XKR4: variants seen among roughly 807,000 people sequenced by gnomAD.
XKR4 encodes the protein XK-related protein 4.
In XKR4, 12 loss-of-function variants were observed where a neutral mutation model predicts 53.9. That is an observed-to-expected ratio of 0.22 (90% CI 0.14 to 0.36). The LOEUF is 0.36. XKR4 is among the 10% of genes least tolerant of loss of function. XKR4 has a pLI of 1.00. For missense variants in XKR4, 799 were observed against 859.5 expected (o/e 0.93, Z 0.88); for synonymous variants, 354 against 362.4 (o/e 0.98, Z 0.26).
At chr8:55,449,734 G>A in intron 2 of XKR4, 3 of 937,664 alleles carry the variant, frequency 3.2e-6, no homozygotes, top group South Asian at 1.3e-5. Context: ...CACGGTGGTC[G>A]TAGTAGCGTA....
intron 2 of XKR4, among the ~76,000 whole-genome samples, chr8:55,513,042 A>G (rs1252645764): frequency 6.6e-6 from 1 of 152,166 alleles, no homozygotes; most frequent in Non-Finnish European, 1.5e-5. Context: ...CTGCCAAAGC[A>G]TATCTTGTGC....
At chr8:55,171,864 A>G (rs1011907405) in intron 1 of XKR4, among the ~76,000 whole-genome samples, 6 of 152,054 alleles carry the variant, frequency 3.9e-5, no homozygotes. Context: ...CATCACCTGC[A>G]CTATGGCCAC....
At chr8:55,517,416 A>G (rs534349551) in intron 2 of XKR4, 1 of 152,142 alleles carries the variant, frequency 6.6e-6, no homozygotes, top group South Asian at 2.1e-4. Flanking sequence ...CTGGAGTCAC[A>G]TCCGTCAGTA....
At position 55,524,276 on chromosome 8, in the gene XKR4, C is replaced by G. The variant is rs749290088; in HGVS notation, c.*49C>G. On this transcript the variant is annotated 3_prime_UTR_variant, in exon 3 of 3. Transcript: ENST00000327381. ...CAACATCCAGATGAAGGGGTGACAG[C>G]AGGGCTGTGGCCATAATGACACTTC... 6.5e-6 allele frequency: 10 copies of G among 1,546,966 alleles called. No individual in the cohort carries two copies. Among genetic ancestry groups the G allele is most frequent in the Non-Finnish European group, 8.8e-6 (10 of 1,136,094 alleles).
At chr8:55,178,364 C>G (rs1817260699) in intron 1 of XKR4, among the ~76,000 whole-genome samples, 2 of 152,140 alleles carry the variant, frequency 1.3e-5, no homozygotes. Context: ...GTGCCAGACT[C>G]TCCCCGTCTG....
chr8:55,497,408 A>C (rs1377363205), intron 2 of XKR4, among the ~76,000 whole-genome samples: 2 of 152,208 alleles, frequency 1.3e-5, no homozygotes, highest in Non-Finnish European at 2.9e-5. Flanking sequence ...GACGTTTATA[A>C]AGTTGGGAAA....
chr8:55,519,550 G>A (rs1311548546), intron 2 of XKR4, among the ~76,000 whole-genome samples: 1 of 152,112 alleles, frequency 6.6e-6, no homozygotes, highest in Non-Finnish European at 1.5e-5. Context: ...GTCAAAGAAA[G>A]TATTTGGAAA....
intron 1 of XKR4, among the ~76,000 whole-genome samples, chr8:55,249,566 A>C (rs766068346): frequency 1.3e-5 from 2 of 152,126 alleles, no homozygotes; most frequent in Non-Finnish European, 2.9e-5. Flanking sequence ...ACGGTTTCAA[A>C]TTGTCATTCA....
intron 1 of XKR4, among the ~76,000 whole-genome samples, chr8:55,255,841 G>A (rs1052993492): frequency 1.3e-5 from 2 of 152,150 alleles, no homozygotes; most frequent in Admixed American, 6.5e-5. Flanking sequence ...ATGAGTGTCC[G>A]TTGTCTGCCA....
intron 2 of XKR4, among the ~76,000 whole-genome samples, chr8:55,458,593 T>G (rs1170420286): frequency 2.0e-5 from 3 of 152,140 alleles, no homozygotes; most frequent in African/African-American, 7.2e-5. Context: ...TGCAGAAGAT[T>G]TTATTGCCAA....
intron 2 of XKR4, among the ~76,000 whole-genome samples, chr8:55,420,642 G>A (rs1804913509): frequency 7.7e-6 from 1 of 129,110 alleles, no homozygotes; most frequent in Non-Finnish European, 1.6e-5. Flanking sequence ...TTGTGGGGTG[G>A]GGGGAGGGGG....
At position 55,524,708 on chromosome 8, in the gene XKR4, C is replaced by T. The variant is rs1174051679; in HGVS notation, c.*481C>T. The T allele has an allele frequency of 6.5e-6, 1 of 153,398 alleles. No homozygotes were observed. The highest frequency in any genetic ancestry group is 2.4e-5 in the African/African-American group (1 of 41,406). 9.5% of individuals were successfully genotyped at this position (153,398 alleles called of 1,614,324 possible). On this transcript the variant is annotated 3_prime_UTR_variant, in exon 3 of 3. Transcript: ENST00000327381. The stretch of plus-strand genomic sequence containing the variant: ...TCTGATTCCCACAGGAATATAAAAA[C>T]AAAGAAAGAGGGAAACATCCCTCGA...
At chr8:55,348,253 A>G (rs189820020) in intron 1 of XKR4, among the ~76,000 whole-genome samples, 150 of 152,290 alleles carry the variant, frequency 9.8e-4, no homozygotes, top group African/African-American at 3.4e-3. Context: ...CCAGCAATCT[A>G]GAGGAATCCA....
rs931989423 is a variant in XKR4, at chr8:55,528,693, T to C, written c.*4466T>C. On this transcript the variant is annotated 3_prime_UTR_variant, in exon 3 of 3. Transcript: ENST00000327381. ...GCGCATGGTGAAAACACAGGAGGAC[T>C]GGGGTGGTCATTCCTATAATTTCAG... 1.3e-5 allele frequency: 2 copies of C among 152,188 alleles called. No homozygotes were observed. Among genetic ancestry groups the C allele is most frequent in the Non-Finnish European group, 2.9e-5 (2 of 68,040 alleles). The allele number at this position is 152,188 out of a possible 1,614,324, so 9.4% of individuals were successfully genotyped here. A position where few individuals can be genotyped will look rare whatever the true frequency, so the allele number is the denominator to read the frequency against.
At chr8:55,415,226 T>C (rs1169886954) in intron 2 of XKR4, among the ~76,000 whole-genome samples, 1 of 152,208 alleles carries the variant, frequency 6.6e-6, no homozygotes, top group Non-Finnish European at 1.5e-5. Context: ...AGATCAGAAA[T>C]CAAGGGAGAG....
At chr8:55,272,329 A>G (rs1818703521) in intron 1 of XKR4, among the ~76,000 whole-genome samples, 1 of 152,186 alleles carries the variant, frequency 6.6e-6, no homozygotes, top group African/African-American at 2.4e-5. Flanking sequence ...ATAATAAGTA[A>G]AGTTTAGAAT....
chr8:55,526,638 T>C lies in XKR4; in HGVS notation c.*2411T>C, dbSNP rs567840554. 1.5e-4 allele frequency: 23 copies of C among 152,340 alleles called. No homozygotes were observed. The highest frequency in any genetic ancestry group is 1.2e-3 in the Admixed American group (18 of 15,300). 9.4% of individuals were successfully genotyped at this position (152,340 alleles called of 1,614,324 possible). A position where few individuals can be genotyped will look rare whatever the true frequency, so the allele number is the denominator to read the frequency against. The stretch of plus-strand genomic sequence containing the variant: ...ACTTTTAACTGATGATCTTTGGAAA[T>C]TGAGTTTCTCAGTTGAACTGTACCT... On this transcript the variant is annotated 3_prime_UTR_variant, in exon 3 of 3. Coordinates refer to ENST00000327381, the MANE Select transcript of XKR4 (RefSeq NM_052898.2).
chr8:55,290,222 C>T (rs553949105), intron 1 of XKR4, among the ~76,000 whole-genome samples: 2 of 151,602 alleles, frequency 1.3e-5, no homozygotes, highest in East Asian at 1.9e-4. Context: ...CTCTGCTTCC[C>T]GGGTTCAATT....
intron 1 of XKR4, among the ~76,000 whole-genome samples, chr8:55,297,343 T>C (rs1002835468): frequency 6.6e-6 from 1 of 152,218 alleles, no homozygotes; most frequent in African/African-American, 2.4e-5. Context: ...AGAAAGTGCA[T>C]AAAATGTTCA....
Sources: allele counts gnomAD v4.1 joint callset (sites outside exome capture counted in the v4.1 genomes callset), GRCh38; gene constraint gnomAD v4.1.1; transcripts MANE v1.5; gene names NCBI Gene and HGNC (gene_info 2026-07-23, HGNC 2026-07-21).